TMEM117: variants seen among roughly 807,000 people sequenced by gnomAD.
The protein encoded by TMEM117 is transmembrane protein 117.
In TMEM117, 27 loss-of-function variants were observed where a neutral mutation model predicts 52.4. The observed-to-expected ratio is 0.51, with a 90% CI of 0.38 to 0.71. The LOEUF (loss-of-function observed/expected upper bound fraction) is 0.71. Ranked by LOEUF, TMEM117 falls within the 30% of genes least tolerant of loss-of-function variation. The pLI is 0.00. For synonymous variants in TMEM117, 215 were observed against 206.3 expected (o/e 1.04, Z -0.36); for missense variants, 556 against 630.5 (o/e 0.88, Z 1.26).
At chr12:43,910,264 T>C (rs1291445383) in intron 2 of TMEM117, among the ~76,000 whole-genome samples, 1 of 151,792 alleles carries the variant, frequency 6.6e-6, no homozygotes, top group Admixed American at 6.6e-5. Context: ...TCTCAACAGA[T>C]GCAGAAAAGG....
chr12:44,286,796 A>G (rs1592666964), intron 5 of TMEM117, among the ~76,000 whole-genome samples: 2 of 152,216 alleles, frequency 1.3e-5, no homozygotes, highest in East Asian at 1.9e-4. Flanking sequence ...TCTAAAATGC[A>G]TGTTTCCAAC....
At chr12:43,857,689 A>G (rs1943424334) in intron 2 of TMEM117, among the ~76,000 whole-genome samples, 3 of 152,216 alleles carry the variant, frequency 2.0e-5, no homozygotes, top group Admixed American at 2.0e-4. Flanking sequence ...CTGGCTGAGT[A>G]GAGTACTGTG....
intron 6 of TMEM117, among the ~76,000 whole-genome samples, chr12:44,313,098 A>T (rs1198887040): frequency 1.3e-5 from 2 of 152,214 alleles, no homozygotes; most frequent in Non-Finnish European, 2.9e-5. Flanking sequence ...GCTGTACGAA[A>T]GCTCTTTATT....
intron 6 of TMEM117, among the ~76,000 whole-genome samples, chr12:44,362,425 C>A (rs1951733108): frequency 6.6e-6 from 1 of 152,058 alleles, no homozygotes; most frequent in South Asian, 2.1e-4. Context: ...ATGCCATATT[C>A]AAACTATAAA....
At chr12:43,987,096 G>A (rs771033160) in intron 3 of TMEM117, among the ~76,000 whole-genome samples, 26 of 152,050 alleles carry the variant, frequency 1.7e-4, no homozygotes, top group Non-Finnish European at 2.9e-4. Flanking sequence ...GTAAAATGAG[G>A]TCATATGGAT....
At chr12:43,841,278 C>T (rs1943111308) in intron 1 of TMEM117, among the ~76,000 whole-genome samples, 1 of 152,168 alleles carries the variant, frequency 6.6e-6, no homozygotes, top group Admixed American at 6.5e-5. Flanking sequence ...ACACTTCCAG[C>T]TTTGTGGTAT....
intron 5 of TMEM117, among the ~76,000 whole-genome samples, chr12:44,215,851 G>A (rs867151942): frequency 6.6e-6 from 1 of 151,868 alleles, no homozygotes. Context: ...TTCCAGACAC[G>A]TAAGAGGATT....
intron 3 of TMEM117, among the ~76,000 whole-genome samples, chr12:44,097,734 AG>A (rs763386402): frequency 6.7e-5 from 9 of 133,376 alleles, no homozygotes; most frequent in Non-Finnish European, 1.2e-4. Flanking sequence ...GGGATGGGGG[AG>A]GGATAGCATT....
At chr12:44,154,215 A>C (rs1278464006) in intron 4 of TMEM117, among the ~76,000 whole-genome samples, 1 of 152,108 alleles carries the variant, frequency 6.6e-6, no homozygotes, top group Non-Finnish European at 1.5e-5. Flanking sequence ...GGTCAAGTGT[A>C]AGATCAAATA....
intron 3 of TMEM117, among the ~76,000 whole-genome samples, chr12:44,016,286 G>A (rs1012894319): frequency 3.9e-4 from 60 of 152,092 alleles, no homozygotes; most frequent in African/African-American, 1.4e-3. Context: ...CCAGCCTCTG[G>A]GTGAAGCCAT....
chr12:44,394,677 A>G (rs765628325), downstream of TMEM117, among the ~76,000 whole-genome samples: 8 of 152,136 alleles, frequency 5.3e-5, no homozygotes, highest in Non-Finnish European at 1.2e-4. Context: ...TCTTATCAGG[A>G]CACTCTCATC....
intron 6 of TMEM117, among the ~76,000 whole-genome samples, chr12:44,308,885 C>T (rs759432854): frequency 1.3e-5 from 2 of 152,164 alleles, no homozygotes; most frequent in Non-Finnish European, 2.9e-5. Context: ...TCCCAAAGTG[C>T]TGGGATTATA....
intron 6 of TMEM117, among the ~76,000 whole-genome samples, chr12:44,356,098 C>T (rs1391464437): frequency 1.3e-5 from 2 of 152,080 alleles, no homozygotes; most frequent in African/African-American, 4.8e-5. Context: ...CCATTGGTCA[C>T]TTCTCAGAAC....
chr12:43,939,969 T>TG (rs1177893945), intron 2 of TMEM117, among the ~76,000 whole-genome samples: 3 of 152,298 alleles, frequency 2.0e-5, no homozygotes, highest in Middle Eastern at 3.4e-3. Flanking sequence ...CCGTCAGCTC[T>TG]CATGAGACTT....
intron 3 of TMEM117, among the ~76,000 whole-genome samples, chr12:44,073,263 AAAG>A (rs1171619195): frequency 6.6e-6 from 1 of 152,178 alleles, no homozygotes; most frequent in Non-Finnish European, 1.5e-5. Context: ...CAGGCCATGT[AAAG>A]AAGAATATCA....
At chr12:43,916,541 A>G (rs1944605858) in intron 2 of TMEM117, among the ~76,000 whole-genome samples, 1 of 152,198 alleles carries the variant, frequency 6.6e-6, no homozygotes, top group African/African-American at 2.4e-5. Flanking sequence ...TTGTACCACC[A>G]TATTTAGTTG....
At chr12:44,200,327 T>C (rs969496851) in intron 4 of TMEM117, among the ~76,000 whole-genome samples, 1 of 152,134 alleles carries the variant, frequency 6.6e-6, no homozygotes, top group African/African-American at 2.4e-5. Flanking sequence ...AACGGTTTTA[T>C]GTTCAAACTC....
chr12:44,334,138 A>C (rs1235981203), intron 6 of TMEM117, among the ~76,000 whole-genome samples: 1 of 152,062 alleles, frequency 6.6e-6, no homozygotes, highest in African/African-American at 2.4e-5. Context: ...TTTTGATGAC[A>C]AACTTTTGCT....
chr12:44,221,151 T>C (rs1434777341), intron 5 of TMEM117, among the ~76,000 whole-genome samples: 3 of 152,168 alleles, frequency 2.0e-5, no homozygotes, highest in African/African-American at 7.2e-5. Flanking sequence ...CAGTGATAAG[T>C]CATGTTGATA....
Sources: gnomAD v4.1 joint callset for allele counts (sites outside exome capture counted in the v4.1 genomes callset) on GRCh38, gnomAD v4.1.1 for gene constraint, MANE v1.5 for transcripts, NCBI Gene and HGNC (gene_info 2026-07-23, HGNC 2026-07-21) for gene names.